CPQ: variants seen among roughly 807,000 people sequenced by gnomAD.
CPQ encodes carboxypeptidase Q.
Under a neutral mutation model 45.7 loss-of-function variants are expected in CPQ, and 37 were observed. The ratio of observed to expected loss-of-function variants is 0.81; its 90% CI spans 0.62 to 1.07. CPQ has a LOEUF of 1.07. CPQ is among the 50% of genes least tolerant of loss of function. The pLI, the probability that CPQ is intolerant of heterozygous loss-of-function variation, is 0.00. For synonymous variants in CPQ, 186 were observed against 205.8 expected, an observed-to-expected ratio of 0.90 and a Z score of 0.82; for missense variants, 537 against 572.9, an observed-to-expected ratio of 0.94 and a Z score of 0.64.
intron 5 of CPQ, among the ~76,000 whole-genome samples, chr8:96,968,110 T>A (rs987881388): frequency 2.0e-5 from 3 of 152,218 alleles, no homozygotes; most frequent in African/African-American, 7.2e-5. Context: ...TAACTTTTAG[T>A]ATATTAGCTA....
chr8:96,794,073 G>A (rs1810890634), intron 2 of CPQ, among the ~76,000 whole-genome samples: 2 of 152,158 alleles, frequency 1.3e-5, no homozygotes, highest in South Asian at 4.1e-4. Flanking sequence ...TGAGGACAGT[G>A]GCCCTCTTCT....
At chr8:96,814,766 A>G (rs1811204003) in intron 2 of CPQ, among the ~76,000 whole-genome samples, 2 of 152,172 alleles carry the variant, frequency 1.3e-5, no homozygotes, top group Non-Finnish European at 2.9e-5. Context: ...ACAAGTCCTC[A>G]AGCAACTGAT....
intron 1 of CPQ, among the ~76,000 whole-genome samples, chr8:96,690,419 G>A (rs1186045233): frequency 1.3e-5 from 2 of 152,048 alleles, no homozygotes; most frequent in African/African-American, 2.4e-5. Flanking sequence ...CTTCCCCATT[G>A]CCTTGCCTTC....
Position 96,951,894 on chromosome 8 carries a change from G to A in CPQ, c.850-14041G>A, listed in dbSNP as rs572792070. On this transcript the variant is annotated intron_variant, in intron 4 of 7. Coordinates refer to ENST00000220763, the MANE Select transcript of CPQ (RefSeq NM_016134.4). The stretch of plus-strand genomic sequence containing the variant: ...TTTGAGGTCATCTTACAATAATTAT[G>A]CATAATCAGTAATGGAAACAATTTA... Among the ~76,000 whole-genome samples the A allele has an allele frequency of 5.2e-4, 79 of 151,576 alleles. 1 individual carries two copies. The highest frequency in any genetic ancestry group is 1.9e-3 in the African/African-American group (79 of 41,354).
At chr8:96,836,984 C>T (rs1811539316) in intron 3 of CPQ, among the ~76,000 whole-genome samples, 1 of 152,066 alleles carries the variant, frequency 6.6e-6, no homozygotes, top group African/African-American at 2.4e-5. Context: ...TCTATTCTTT[C>T]AACATTTATA....
At chr8:97,081,149 G>A (rs1256647943) in intron 7 of CPQ, among the ~76,000 whole-genome samples, 1 of 152,054 alleles carries the variant, frequency 6.6e-6, no homozygotes, top group Non-Finnish European at 1.5e-5. Context: ...TAAATATCAT[G>A]TTTGAAAAAC....
At chr8:97,003,438 CTT>C (rs145601600) in intron 5 of CPQ, among the ~76,000 whole-genome samples, 3,391 of 152,152 alleles carry the variant, frequency 0.022, 78 homozygotes, top group African/African-American at 0.06. Flanking sequence ...GAAAAAAAGA[CTT>C]TATTTCTTAG....
At chr8:96,838,883 C>T (rs955513393) in intron 3 of CPQ, among the ~76,000 whole-genome samples, 1 of 152,014 alleles carries the variant, frequency 6.6e-6, no homozygotes, top group Admixed American at 6.6e-5. Flanking sequence ...GGGTACTTTG[C>T]TCTGCATTTG....
At chr8:96,947,077 G>T (rs989178655) in intron 4 of CPQ, among the ~76,000 whole-genome samples, 4 of 152,122 alleles carry the variant, frequency 2.6e-5, no homozygotes, top group Non-Finnish European at 4.4e-5. Flanking sequence ...TAGTATGGTG[G>T]CCAGCACACA....
At position 97,122,972 on chromosome 8, in the gene CPQ, A is replaced by AAATT. The variant is rs1563586894; in HGVS notation, c.1256-20046_1256-20045insTTAA. On this transcript the variant is annotated intron_variant, in intron 7 of 7. Coordinates refer to ENST00000220763, the MANE Select transcript of CPQ (RefSeq NM_016134.4). ...AAAATAAAATAAAATAAAATAAAAT[A>AAATT]AAATAAAATTAAAATAAAATAAAAT... 3.5e-4 allele frequency among the ~76,000 whole-genome samples: 21 copies of AAATT among 60,302 alleles called. 3 individuals carry two copies. Among genetic ancestry groups the AAATT allele is most frequent in the African/African-American group, 1.6e-3 (20 of 12,342 alleles). The allele number at this position is 60,302 out of a possible 152,430, so 39.6% of individuals were successfully genotyped here.
At chr8:96,819,535 G>A (rs560678847) in intron 2 of CPQ, among the ~76,000 whole-genome samples, 56 of 152,204 alleles carry the variant, frequency 3.7e-4, no homozygotes, top group Admixed American at 3.3e-4. Context: ...AATTGCCCTT[G>A]TTTGATGAGC....
At chr8:97,057,488 A>G (rs1344207325) in intron 6 of CPQ, among the ~76,000 whole-genome samples, 2 of 152,216 alleles carry the variant, frequency 1.3e-5, no homozygotes, top group Non-Finnish European at 2.9e-5. Context: ...CTCTTCCTAG[A>G]TAATGAGAGC....
chr8:96,658,176 C>G (rs1815659610), intron 1 of CPQ, among the ~76,000 whole-genome samples: 1 of 152,164 alleles, frequency 6.6e-6, no homozygotes. Context: ...ATCATAAACA[C>G]CAACTAAGTT....
chr8:97,066,307 G>C, intron 7 of CPQ, 97 bp downstream of exon 7: 3 of 1,071,586 alleles, frequency 2.8e-6, no homozygotes, highest in Non-Finnish European at 4.0e-6. Flanking sequence ...TAGTAGGCCA[G>C]GTTGTCCACG....
At chr8:97,005,679 C>T (rs569776322) in intron 5 of CPQ, among the ~76,000 whole-genome samples, 44 of 152,086 alleles carry the variant, frequency 2.9e-4, no homozygotes, top group Admixed American at 1.2e-3. Flanking sequence ...AACTATTCTA[C>T]GCAAGTTTTT....
At chr8:96,973,877 T>G (rs1813726336) in intron 5 of CPQ, among the ~76,000 whole-genome samples, 1 of 152,184 alleles carries the variant, frequency 6.6e-6, no homozygotes, top group South Asian at 2.1e-4. Context: ...GAGCTCTAAA[T>G]CTTGAAACAA....
intron 5 of CPQ, among the ~76,000 whole-genome samples, chr8:97,008,360 A>G (rs1362491922): frequency 1.3e-5 from 2 of 152,178 alleles, no homozygotes; most frequent in Non-Finnish European, 2.9e-5. Context: ...ACATTTTAGG[A>G]TGTCTGTTTA....
intron 5 of CPQ, among the ~76,000 whole-genome samples, chr8:96,976,270 A>C (rs368769985): frequency 6.8e-4 from 99 of 146,552 alleles, no homozygotes; most frequent in Non-Finnish European, 1.2e-3. Flanking sequence ...AAAAAAAAAA[A>C]AACCTTAGGA....
At chr8:96,885,171 G>A (rs535184674) in intron 4 of CPQ, among the ~76,000 whole-genome samples, 2 of 152,332 alleles carry the variant, frequency 1.3e-5, no homozygotes, top group Non-Finnish European at 2.9e-5. Context: ...ACTTCATGCT[G>A]CATCATCCCA....
Sources: allele counts gnomAD v4.1 joint callset (sites outside exome capture counted in the v4.1 genomes callset), GRCh38; gene constraint gnomAD v4.1.1; transcripts MANE v1.5; gene names NCBI Gene and HGNC (gene_info 2026-07-23, HGNC 2026-07-21).